Variants in LRBA observed in about 807,000 individuals in gnomAD.
LRBA encodes LPS responsive beige-like anchor protein.
Under a neutral mutation model 330.0 loss-of-function variants are expected in LRBA, and 176 were observed. The observed-to-expected ratio is 0.53, with a 90% CI of 0.47 to 0.60. The LOEUF is 0.60. Among genes scored for constraint, LRBA ranks in the 20% least tolerant of loss-of-function variants. The pLI, the probability that LRBA is intolerant of heterozygous loss-of-function variation, is 0.00. For missense variants in LRBA, 3,259 were observed against 3,444.8 expected (o/e 0.95, Z 1.35); for synonymous variants, 1,230 against 1,193.0 (o/e 1.03, Z -0.64).
At chr4:150,500,009 T>C (rs1178371938) in intron 40 of LRBA, among the ~76,000 whole-genome samples, 1 of 152,094 alleles carries the variant, frequency 6.6e-6, no homozygotes, top group Admixed American at 6.5e-5. Flanking sequence ...GATACAAAAT[T>C]ACAGTTAGAC....
rs4129398 is a variant in LRBA, at chr4:150,681,852, T to C, written c.5921+1699A>G. On this transcript the variant is annotated intron_variant, in intron 37 of 56. Coordinates refer to ENST00000651943, the MANE Select transcript of LRBA (RefSeq NM_001364905.1). The stretch of plus-strand genomic sequence containing the variant: ...TAGAGTTGATACCTTAGAACAACTC[T>C]ATTACTGAAACACTAATTATTTCTA... Among the ~76,000 whole-genome samples, 260 of 152,290 alleles carry C rather than the reference T, an allele frequency of 1.7e-3. 8 individuals are homozygous for C. The East Asian group carries it at 0.047, about 27-fold the overall frequency.
At chr4:150,511,255 A>G (rs1761800672) in intron 40 of LRBA, among the ~76,000 whole-genome samples, 1 of 152,206 alleles carries the variant, frequency 6.6e-6, no homozygotes, top group African/African-American at 2.4e-5. Flanking sequence ...GCAGAGCCAT[A>G]AACACCATGT....
At chr4:150,398,768 C>T (rs1193252673) in intron 47 of LRBA, among the ~76,000 whole-genome samples, 3 of 151,848 alleles carry the variant, frequency 2.0e-5, no homozygotes, top group Admixed American at 6.6e-5. Flanking sequence ...ATGGAACTAC[C>T]GGCATGTGCT....
At chr4:150,941,936 T>C (rs138858614) in intron 2 of LRBA, among the ~76,000 whole-genome samples, 33 of 152,200 alleles carry the variant, frequency 2.2e-4, no homozygotes, top group African/African-American at 6.5e-4. Flanking sequence ...TAAATCTCTG[T>C]AGGTAAAGAC....
At chr4:150,941,993 T>C (rs1344635986) in intron 2 of LRBA, among the ~76,000 whole-genome samples, 7 of 152,174 alleles carry the variant, frequency 4.6e-5, no homozygotes, top group Non-Finnish European at 4.4e-5. Flanking sequence ...AGTTCGATAC[T>C]ATATAAAAGA....
chr4:150,996,858 C>A (rs1032940755), intron 2 of LRBA, among the ~76,000 whole-genome samples: 4 of 152,122 alleles, frequency 2.6e-5, no homozygotes, highest in African/African-American at 9.7e-5. Flanking sequence ...CCACTCCAAT[C>A]CTGTTTTCAT....
intron 2 of LRBA, among the ~76,000 whole-genome samples, chr4:151,009,404 C>A (rs191037605): frequency 2.6e-5 from 4 of 151,966 alleles, no homozygotes; most frequent in Non-Finnish European, 4.4e-5. Flanking sequence ...CAATAATTAG[C>A]TGGGTGTGGT....
intron 2 of LRBA, among the ~76,000 whole-genome samples, chr4:150,971,671 TAA>T (rs973482503): frequency 2.0e-5 from 3 of 152,174 alleles, no homozygotes; most frequent in Non-Finnish European, 4.4e-5. Context: ...TTTCTAATCA[TAA>T]GATATATTTA....
At chr4:150,488,487 A>G (rs1035682369) in intron 41 of LRBA, among the ~76,000 whole-genome samples, 1 of 151,640 alleles carries the variant, frequency 6.6e-6, no homozygotes, top group East Asian at 1.9e-4. Context: ...TCCTATTTCA[A>G]TAATTTCACA....
At chr4:150,595,622 TA>T (rs1433891884) in intron 38 of LRBA, among the ~76,000 whole-genome samples, 1 of 151,982 alleles carries the variant, frequency 6.6e-6, no homozygotes, top group Non-Finnish European at 1.5e-5. Flanking sequence ...AAACATTTTT[TA>T]CATGTCTTTA....
intron 22 of LRBA, among the ~76,000 whole-genome samples, chr4:150,854,568 T>C (rs1467293770): frequency 2.0e-5 from 3 of 152,152 alleles, no homozygotes; most frequent in East Asian, 1.9e-4. Flanking sequence ...TAATGTCAAA[T>C]AGTAATAAGA....
chr4:150,426,093 A>T (rs1228420545), intron 46 of LRBA, among the ~76,000 whole-genome samples: 3 of 152,056 alleles, frequency 2.0e-5, no homozygotes, highest in Non-Finnish European at 4.4e-5. Context: ...TAAAACTTTT[A>T]AAAAATTCAC....
intron 40 of LRBA, among the ~76,000 whole-genome samples, chr4:150,514,018 C>T (rs990694851): frequency 6.6e-6 from 1 of 152,080 alleles, no homozygotes; most frequent in East Asian, 1.9e-4. Flanking sequence ...GAAACTGTGG[C>T]AAGATAAATT....
intron 2 of LRBA, among the ~76,000 whole-genome samples, chr4:150,950,209 T>C (rs928466124): frequency 2.0e-5 from 3 of 152,162 alleles, no homozygotes; most frequent in Non-Finnish European, 2.9e-5. Flanking sequence ...AGCAGTGACA[T>C]ATTTCAAAAA....
intron 47 of LRBA, among the ~76,000 whole-genome samples, chr4:150,391,596 G>A (rs1039800579): frequency 6.6e-6 from 1 of 152,086 alleles, no homozygotes; most frequent in Non-Finnish European, 1.5e-5. Flanking sequence ...CAGACACTAT[G>A]TCATATACGT....
chr4:150,289,671 A>G (rs1298145657), intron 53 of LRBA, among the ~76,000 whole-genome samples: 2 of 152,202 alleles, frequency 1.3e-5, no homozygotes, highest in Admixed American at 6.5e-5. Context: ...GCTGTTTCCA[A>G]TCTTCTTTAA....
intron 47 of LRBA, among the ~76,000 whole-genome samples, chr4:150,409,537 T>C (rs1325641745): frequency 6.6e-6 from 1 of 152,120 alleles, no homozygotes; most frequent in Admixed American, 6.6e-5. Context: ...CCCTAATTAC[T>C]ATAGCTTTAT....
chr4:150,980,020 G>A (rs994849981), intron 2 of LRBA, among the ~76,000 whole-genome samples: 1 of 152,014 alleles, frequency 6.6e-6, no homozygotes, highest in Non-Finnish European at 1.5e-5. Flanking sequence ...ATCAAAAAAA[G>A]GAAAACTGTA....
At chr4:150,412,372 T>C (rs1428946484) in intron 47 of LRBA, among the ~76,000 whole-genome samples, 1 of 152,220 alleles carries the variant, frequency 6.6e-6, no homozygotes, top group African/African-American at 2.4e-5. Flanking sequence ...TTTACAATCA[T>C]GCCCAAGTTT....
Sources: allele counts gnomAD v4.1 joint callset (sites outside exome capture counted in the v4.1 genomes callset), GRCh38; gene constraint gnomAD v4.1.1; transcripts MANE v1.5; gene names NCBI Gene and HGNC (gene_info 2026-07-23, HGNC 2026-07-21).